Variants in USP37 observed in about 807,000 individuals in gnomAD.
USP37 encodes ubiquitin carboxyl-terminal hydrolase 37.
Under a neutral mutation model 124.0 loss-of-function variants are expected in USP37, and 27 were observed. That is an observed-to-expected ratio of 0.22 (90% CI 0.16 to 0.30). The LOEUF (loss-of-function observed/expected upper bound fraction) is 0.30. Among genes scored for constraint, USP37 ranks in the 10% least tolerant of loss-of-function variants. The pLI is 1.00. For synonymous variants in USP37, 365 were observed against 388.0 expected (o/e 0.94, Z 0.70); for missense variants, 889 against 1,140.4 (o/e 0.78, Z 3.17).
intron 19 of USP37, among the ~76,000 whole-genome samples, chr2:218,476,332 G>T (rs1452665616): frequency 6.6e-6 from 1 of 152,128 alleles, no homozygotes; most frequent in East Asian, 1.9e-4. Context: ...CCAGCACTTA[G>T]GGAAGCTGAG....
intron 6 of USP37, 36 bp from the exon 7 acceptor site, chr2:218,547,127 A>C (rs758103294): frequency 1.3e-6 from 2 of 1,555,022 alleles, no homozygotes; most frequent in Non-Finnish European, 1.7e-6. Context: ...TAAATCTTCA[A>C]ATTAACTGGA....
Position 218,476,884 on chromosome 2 carries a change from A to G in USP37, c.1999T>C (p.Cys667Arg), listed in dbSNP as rs1209538539. Residue 667 changes from cysteine (C) to arginine (R), a missense_variant, in exon 19 of 26, where the codon TGT becomes CGT. By Grantham distance (180) the Cys-to-Arg change is radical. Around this residue, in one of 3 missense-constraint regions of USP37, gnomAD observed 504 missense variants for 714.3 expected, o/e 0.71. Coordinates refer to ENST00000258399, the MANE Select transcript of USP37 (RefSeq NM_020935.3). Reference protein sequence around the residue: ...KRSVALSQRLCEMLGNEQQQE... With the variant: ...KRSVALSQRLREMLGNEQQQE... Reference sequence around the variant, plus strand: ...TGCTGTTCGTTGCCTAACATTTCACAAAGTCTCTGGCTGAGGGCCACAGAA... The same window carrying G: ...TGCTGTTCGTTGCCTAACATTTCACGAAGTCTCTGGCTGAGGGCCACAGAA... 1.9e-6 allele frequency: 3 copies of G among 1,608,852 alleles called. No individual in the cohort carries two copies. The highest frequency in any genetic ancestry group is 2.2e-5 in the East Asian group (1 of 44,512).
At chr2:218,515,528 T>G (rs1412330156) in intron 10 of USP37, among the ~76,000 whole-genome samples, 4 of 152,096 alleles carry the variant, frequency 2.6e-5, no homozygotes, top group Non-Finnish European at 5.9e-5. Flanking sequence ...CTTCCTTACA[T>G]CTTACGAAAA....
intron 20 of USP37, among the ~76,000 whole-genome samples, chr2:218,467,041 A>G (rs2106411904): frequency 6.6e-6 from 1 of 152,190 alleles, no homozygotes; most frequent in African/African-American, 2.4e-5. Context: ...GATTTTCCCC[A>G]TTTATTACAC....
chr2:218,528,882 C>CTTTTCCAA, intron 10 of USP37: 1 of 371,484 alleles, frequency 2.7e-6, no homozygotes, highest in Non-Finnish European at 4.6e-6. Flanking sequence ...TCCAACTAGC[C>CTTTTCCAA]TTTTCCAATT....
chr2:218,539,531 G>A (rs1189208579), intron 8 of USP37, among the ~76,000 whole-genome samples: 2 of 151,588 alleles, frequency 1.3e-5, no homozygotes, highest in Admixed American at 6.6e-5. Flanking sequence ...TCTGAGCAAC[G>A]TGGTGAAACC....
chr2:218,559,175 G>T (rs930459822), intron 3 of USP37, among the ~76,000 whole-genome samples: 4 of 152,100 alleles, frequency 2.6e-5, no homozygotes, highest in African/African-American at 9.7e-5. Context: ...GCCAGGCATG[G>T]TGATACACGC....
chr2:218,524,750 C>T (rs1287266064), intron 10 of USP37, among the ~76,000 whole-genome samples: 1 of 152,200 alleles, frequency 6.6e-6, no homozygotes, highest in African/African-American at 2.4e-5. Flanking sequence ...GCTGGGACTA[C>T]AGGCACGCAC....
intron 9 of USP37, among the ~76,000 whole-genome samples, chr2:218,533,436 A>ACG (rs1691448542): frequency 6.6e-6 from 1 of 151,928 alleles, no homozygotes. Flanking sequence ...CATTTAAAAC[A>ACG]TCTACGTTTT....
chr2:218,499,187 T>G (rs971966033), intron 11 of USP37, among the ~76,000 whole-genome samples: 1 of 152,138 alleles, frequency 6.6e-6, no homozygotes, highest in Non-Finnish European at 1.5e-5. Context: ...AGCAAGAGAA[T>G]TGCTTGAACC....
At chr2:218,479,388 A>C (rs1691131244) in intron 18 of USP37, among the ~76,000 whole-genome samples, 3 of 152,262 alleles carry the variant, frequency 2.0e-5, no homozygotes, top group Non-Finnish European at 4.4e-5. Flanking sequence ...TGAAAGTATT[A>C]CATATTAACA....
At chr2:218,529,880 A>C in intron 10 of USP37, 76 bp downstream of exon 10, 1 of 1,140,594 alleles carries the variant, frequency 8.8e-7, no homozygotes, top group Non-Finnish European at 1.3e-6. Flanking sequence ...GATAATACAT[A>C]ACCTATCCAA....
rs1228955189 is a variant in USP37 at position 218,452,871 on chromosome 2, C to T, written c.*2059G>A. On this transcript the variant is annotated 3_prime_UTR_variant, in exon 26 of 26. Coordinates refer to ENST00000258399, the MANE Select transcript of USP37 (RefSeq NM_020935.3). ...ATAACTAGCCAAAGAATTTTATCAC[C>T]GCTTCACTCATTTATAAGAAAACCA... 3 of 152,164 alleles carry T rather than the reference C, an allele frequency of 2.0e-5. No homozygotes were observed. The highest frequency in any genetic ancestry group is 2.9e-5 in the Non-Finnish European group (2 of 68,038). The allele number at this position is 152,164 out of a possible 1,614,324, so 9.4% of individuals were successfully genotyped here. A position where few individuals can be genotyped will look rare whatever the true frequency, so the allele number is the denominator to read the frequency against.
intron 8 of USP37, among the ~76,000 whole-genome samples, chr2:218,541,730 T>C (rs1376065326): frequency 6.6e-6 from 1 of 152,074 alleles, no homozygotes; most frequent in Non-Finnish European, 1.5e-5. Context: ...AGCAACAATA[T>C]GAAGAATCCA....
chr2:218,517,950 C>A (rs1277855426), intron 10 of USP37, among the ~76,000 whole-genome samples: 1 of 152,026 alleles, frequency 6.6e-6, no homozygotes, highest in Non-Finnish European at 1.5e-5. Flanking sequence ...CTCTCAATTA[C>A]TATTCCCCCC....
chr2:218,478,954 A>G (rs906840161), intron 18 of USP37, among the ~76,000 whole-genome samples: 1 of 152,328 alleles, frequency 6.6e-6, no homozygotes, highest in East Asian at 1.9e-4. Context: ...CCCTTAAACA[A>G]CAAAAATGTC....
intron 18 of USP37, among the ~76,000 whole-genome samples, chr2:218,478,211 G>T (rs1313899621): frequency 6.6e-6 from 1 of 152,106 alleles, no homozygotes; most frequent in Non-Finnish European, 1.5e-5. Context: ...CCCAAACATA[G>T]TGTGTGGCTC....
rs775781403 is a variant in USP37, at chr2:218,497,862, T to G, written c.1158-5A>C. ...ACAAGCAAGTGTGCAAAGCGTCTAGTAAAACAAAAAACACAAAGTTAGCAC... is the reference window on the plus strand; with the variant it reads ...ACAAGCAAGTGTGCAAAGCGTCTAGGAAAACAAAAAACACAAAGTTAGCAC... On this transcript the variant is annotated splice_polypyrimidine_tract_variant and splice_region_variant and intron_variant, in intron 12 of 25. Coordinates refer to ENST00000258399, the MANE Select transcript of USP37 (RefSeq NM_020935.3). 3 of 1,611,262 alleles carry G rather than the reference T, an allele frequency of 1.9e-6. No individual in the cohort carries two copies. In the South Asian group the frequency reaches 3.3e-5, roughly 18 times the overall value.
chr2:218,530,492 T>C (rs564312528), intron 9 of USP37, among the ~76,000 whole-genome samples: 86 of 152,186 alleles, frequency 5.7e-4, no homozygotes, highest in Non-Finnish European at 1.2e-3. Flanking sequence ...CTCCACCAAA[T>C]TGTCATTATT....
Sources: gnomAD v4.1 joint callset for allele counts (sites outside exome capture counted in the v4.1 genomes callset) on GRCh38, gnomAD v4.1.1 for gene constraint, gnomAD v4.1.1 regional missense constraint, MANE v1.5 for transcripts, NCBI Gene and HGNC (gene_info 2026-07-23, HGNC 2026-07-21) for gene names.